TMEM196: variants seen among roughly 807,000 people sequenced by gnomAD.
TMEM196 encodes the protein transmembrane protein 196.
Under a neutral mutation model 20.0 loss-of-function variants are expected in TMEM196, and 17 were observed. That is an observed-to-expected ratio of 0.85 (90% CI 0.58 to 1.27). The LOEUF (loss-of-function observed/expected upper bound fraction) is 1.27. TMEM196 is among the 50% of genes most tolerant of loss of function. The probability of loss-of-function intolerance (pLI) is 0.00; values close to 1 mark genes in which losing one functional copy is unlikely to be tolerated. For missense variants in TMEM196, 267 were observed against 223.0 expected, an observed-to-expected ratio of 1.20 and a Z score of -1.26; for synonymous variants, 113 against 88.9, an observed-to-expected ratio of 1.27 and a Z score of -1.52.
At chr7:19,762,527 A>G (rs937075358) in intron 1 of TMEM196, among the ~76,000 whole-genome samples, 2 of 151,998 alleles carry the variant, frequency 1.3e-5, no homozygotes. Flanking sequence ...TGTAACTTAA[A>G]GTAGTTTTAT....
At chr7:19,749,007 T>C (rs1028780245) in intron 1 of TMEM196, among the ~76,000 whole-genome samples, 1 of 152,198 alleles carries the variant, frequency 6.6e-6, no homozygotes, top group Admixed American at 6.5e-5. Context: ...TATGAATCAA[T>C]GTAAATAGTG....
intron 1 of TMEM196, among the ~76,000 whole-genome samples, chr7:19,762,425 T>C (rs1009353084): frequency 1.3e-5 from 2 of 152,182 alleles, no homozygotes; most frequent in African/African-American, 4.8e-5. Context: ...ATATTATCAA[T>C]AATATTCTAG....
chr7:19,726,220 A>G (rs1476795577), intron 2 of TMEM196, among the ~76,000 whole-genome samples: 1 of 152,202 alleles, frequency 6.6e-6, no homozygotes, highest in African/African-American at 2.4e-5. Context: ...AGCTAACACT[A>G]AATTTAGGCA....
chr7:19,738,805 G>GA (rs765733326), intron 1 of TMEM196, among the ~76,000 whole-genome samples: 2 of 152,066 alleles, frequency 1.3e-5, no homozygotes, highest in African/African-American at 2.4e-5. Context: ...GGAGAGAAGA[G>GA]AAAAATCTAC....
At chr7:19,727,471 T>C (rs1248809817) in intron 2 of TMEM196, among the ~76,000 whole-genome samples, 1 of 152,154 alleles carries the variant, frequency 6.6e-6, no homozygotes, top group Admixed American at 6.5e-5. Context: ...ACGGGTAAAA[T>C]CTTTTTATAC....
At chr7:19,752,272 A>G (rs1026166072) in intron 1 of TMEM196, among the ~76,000 whole-genome samples, 1 of 152,196 alleles carries the variant, frequency 6.6e-6, no homozygotes, top group Admixed American at 6.5e-5. Flanking sequence ...CAAAACATGA[A>G]TCTCAATCCT....
intron 1 of TMEM196, among the ~76,000 whole-genome samples, chr7:19,752,725 C>T (rs941973177): frequency 6.6e-6 from 1 of 152,006 alleles, no homozygotes; most frequent in Non-Finnish European, 1.5e-5. Flanking sequence ...AGCGATTCTC[C>T]TGCCTCAGCC....
chr7:19,759,194 C>T (rs1397824794), intron 1 of TMEM196, among the ~76,000 whole-genome samples: 1 of 152,188 alleles, frequency 6.6e-6, no homozygotes, highest in Non-Finnish European at 1.5e-5. Context: ...TTTCAGCACA[C>T]ATTGGCCTGG....
In TMEM196 at chr7:19,724,289, A is replaced by T. The variant is rs1192712474; in HGVS notation, c.524T>A (p.Leu175Ter). The T allele has an allele frequency of 2.5e-5, 39 of 1,550,238 alleles. No individual in the cohort carries two copies. The highest frequency in any genetic ancestry group is 3.3e-5 in the Non-Finnish European group (38 of 1,146,836). Residue 175 changes from leucine (L) to a stop codon, truncating the protein, a stop_gained, in exon 4 of 5, where the codon TTA becomes TAA. Coordinates refer to ENST00000405844, the MANE Select transcript of TMEM196 (RefSeq NM_001363562.2). LOFTEE classifies it high-confidence loss of function. ...CTAGAAATCAGCGTACCTTGTAGGT[A>T]ACTCTGGTGTCGGGGGCACCACCGG... ...SCPVVPPTPE[L>*]PTRK
chr7:19,745,193 A>G (rs1345256021), intron 1 of TMEM196, among the ~76,000 whole-genome samples: 1 of 152,098 alleles, frequency 6.6e-6, no homozygotes, highest in Non-Finnish European at 1.5e-5. Flanking sequence ...GTTATACTAT[A>G]TTGTTTTTCT....
intron 1 of TMEM196, among the ~76,000 whole-genome samples, chr7:19,741,463 T>A (rs1784578519): frequency 6.6e-6 from 1 of 152,224 alleles, no homozygotes; most frequent in African/African-American, 2.4e-5. Flanking sequence ...TGGGTGCAAT[T>A]AATCATCACT....
In TMEM196 at chr7:19,720,970, G is replaced by A. The variant is rs544737738; in HGVS notation, c.*1158C>T. ...TAAGTCATGATATCTTTATAAATACGGAAGTATGTCATTAAAGTCATGTTC... is the reference window on the plus strand; with the variant it reads ...TAAGTCATGATATCTTTATAAATACAGAAGTATGTCATTAAAGTCATGTTC... On this transcript the variant is annotated 3_prime_UTR_variant, in exon 5 of 5. Coordinates refer to ENST00000405844, the MANE Select transcript of TMEM196 (RefSeq NM_001363562.2). 2 of 151,712 alleles carry A rather than the reference G, an allele frequency of 1.3e-5. No individual in the cohort carries two copies. The highest frequency in any genetic ancestry group is 1.9e-4 in the East Asian group (1 of 5,178). 9.4% of individuals were successfully genotyped at this position (151,712 alleles called of 1,614,324 possible). A position where few individuals can be genotyped will look rare whatever the true frequency, so the allele number is the denominator to read the frequency against.
intron 1 of TMEM196, among the ~76,000 whole-genome samples, chr7:19,745,194 T>C (rs1784709216): frequency 6.6e-6 from 1 of 152,220 alleles, no homozygotes; most frequent in Admixed American, 6.5e-5. Flanking sequence ...TTATACTATA[T>C]TGTTTTTCTA....
At chr7:19,754,077 A>G (rs1785102709) in intron 1 of TMEM196, among the ~76,000 whole-genome samples, 1 of 152,148 alleles carries the variant, frequency 6.6e-6, no homozygotes, top group Middle Eastern at 3.4e-3. Flanking sequence ...AGGAATGACT[A>G]CTCTGGAGTC....
Position 19,729,393 on chromosome 7 carries a change from A to ATT in TMEM196, c.191_192dup (p.Ser65AsnfsTer6). 1 of 1,533,494 alleles carries ATT rather than the reference A, an allele frequency of 6.5e-7. No homozygotes were observed. The highest frequency in any genetic ancestry group is 8.8e-7 in the Non-Finnish European group (1 of 1,135,488). 95.0% of individuals were successfully genotyped at this position (1,533,494 alleles called of 1,614,324 possible). On this transcript the variant is annotated frameshift_variant, in exon 2 of 5. Coordinates refer to ENST00000405844, the MANE Select transcript of TMEM196 (RefSeq NM_001363562.2). LOFTEE classifies it high-confidence loss of function. ...AATCAAACACTTACGACAAGTCCTGATTTTTTTTTGGCACACAATATTCCA... is the reference window on the plus strand; with the variant it reads ...AATCAAACACTTACGACAAGTCCTGATTTTTTTTTTTGGCACACAATATTCCA...
intron 1 of TMEM196, among the ~76,000 whole-genome samples, chr7:19,764,945 C>G (rs1253470800): frequency 2.0e-5 from 3 of 152,028 alleles, no homozygotes; most frequent in Non-Finnish European, 2.9e-5. Context: ...TGAAAATTTC[C>G]AAAGTCCCAC....
Position 19,764,949 on chromosome 7 carries a change from G to T in TMEM196, c.147+7601C>A, listed in dbSNP as rs1419169937. Among the ~76,000 whole-genome samples, 3 of 152,092 alleles carry T rather than the reference G, an allele frequency of 2.0e-5. No individual in the cohort carries two copies. In the East Asian group the frequency reaches 5.8e-4, roughly 29 times the overall value. On this transcript the variant is annotated intron_variant, in intron 1 of 4. Transcript: ENST00000405844. ...AAAGTTTTTCATGAAAATTTCCAAAGTCCCACACAACACAATAGAAAAAGT... is the reference window on the plus strand; with the variant it reads ...AAAGTTTTTCATGAAAATTTCCAAATTCCCACACAACACAATAGAAAAAGT...
chr7:19,756,507 C>T (rs759330477), intron 1 of TMEM196, among the ~76,000 whole-genome samples: 1 of 151,844 alleles, frequency 6.6e-6, no homozygotes, highest in Admixed American at 6.6e-5. Flanking sequence ...TTTCCTGATC[C>T]TCTCCCTCCT....
intron 1 of TMEM196, among the ~76,000 whole-genome samples, chr7:19,739,709 C>G (rs952096552): frequency 2.6e-5 from 4 of 152,132 alleles, no homozygotes; most frequent in Non-Finnish European, 4.4e-5. Context: ...ACAGATACTT[C>G]CCTGAAATAC....
Sources: gnomAD v4.1 joint callset for allele counts (sites outside exome capture counted in the v4.1 genomes callset) on GRCh38, gnomAD v4.1.1 for gene constraint, MANE v1.5 for transcripts, NCBI Gene and HGNC (gene_info 2026-07-23, HGNC 2026-07-21) for gene names.